ADGB: variants seen among roughly 807,000 people sequenced by gnomAD.
ADGB encodes androglobin.
A neutral mutation model predicts 210.5 loss-of-function variants in ADGB; 172 were observed. The ratio of observed to expected loss-of-function variants is 0.82; its 90% confidence interval spans 0.72 to 0.93. ADGB has a LOEUF of 0.93. ADGB is among the 40% of genes least tolerant of loss of function. ADGB has a pLI of 0.00. For missense variants in ADGB, 2,025 were observed against 1,964.8 expected (o/e 1.03, Z -0.58); for synonymous variants, 658 against 662.7 (o/e 0.99, Z 0.11).
intron 27 of ADGB, among the ~76,000 whole-genome samples, chr6:146,755,934 C>T (rs1459973043): frequency 6.6e-6 from 1 of 151,996 alleles, no homozygotes; most frequent in Non-Finnish European, 1.5e-5. Flanking sequence ...CCCTTTTCTA[C>T]CTAATATCTG....
chr6:146,740,284 C>T (rs1203443246), intron 23 of ADGB, among the ~76,000 whole-genome samples, 175 bp from the exon 24 acceptor site: 1 of 152,188 alleles, frequency 6.6e-6, no homozygotes, highest in East Asian at 1.9e-4. Flanking sequence ...AATGGGTCCC[C>T]TTCTCTTGGC....
At chr6:146,812,147 GT>G (rs1294340161) in intron 35 of ADGB, among the ~76,000 whole-genome samples, 3 of 151,918 alleles carry the variant, frequency 2.0e-5, no homozygotes, top group Non-Finnish European at 2.9e-5. Flanking sequence ...AGTATTATTT[GT>G]TTCATTTTAT....
At position 146,751,111 on chromosome 6, in the gene ADGB, A is replaced by G. The variant is rs140127553; in HGVS notation, c.3366-1419A>G. On this transcript the variant is annotated intron_variant, in intron 26 of 35. Coordinates refer to ENST00000397944, the MANE Select transcript of ADGB (RefSeq NM_024694.4). ...AAGCTCAGCATGCATTAGCTCTTTT[A>G]CCTGTTGCTCTCCCACCCCCCACCC... Among the ~76,000 whole-genome samples, 53 of 150,644 alleles carry G rather than the reference A, an allele frequency of 3.5e-4. 1 individual carries two copies. The East Asian group carries it at 0.01, about 29-fold the overall frequency.
chr6:146,781,362 A>T (rs1353894252), intron 29 of ADGB, among the ~76,000 whole-genome samples: 1 of 151,606 alleles, frequency 6.6e-6, no homozygotes, highest in Non-Finnish European at 1.5e-5. Context: ...AGAAAAAAAA[A>T]AAAGAAATTG....
intron 1 of ADGB, among the ~76,000 whole-genome samples, chr6:146,616,568 C>T (rs1780802061): frequency 6.6e-6 from 1 of 152,072 alleles, no homozygotes; most frequent in African/African-American, 2.4e-5. Context: ...TCAATTCTTA[C>T]ATTTAAATGT....
intron 12 of ADGB, among the ~76,000 whole-genome samples, chr6:146,696,471 T>C (rs912243448): frequency 2.0e-5 from 3 of 151,902 alleles, no homozygotes; most frequent in African/African-American, 4.9e-5. Context: ...ATAAATTAAA[T>C]GAGCCCCCTT....
intron 1 of ADGB, among the ~76,000 whole-genome samples, chr6:146,603,425 T>C (rs970230241): frequency 3.9e-5 from 6 of 152,212 alleles, no homozygotes; most frequent in Admixed American, 3.9e-4. Flanking sequence ...ACAGTATTAA[T>C]GCATACACTT....
At chr6:146,755,465 A>G (rs1777393827) in intron 27 of ADGB, among the ~76,000 whole-genome samples, 1 of 152,066 alleles carries the variant, frequency 6.6e-6, no homozygotes, top group South Asian at 2.1e-4. Context: ...ATGGTTTTAT[A>G]AGGGGTTTTC....
At chr6:146,675,273 G>A (rs1255847501) in intron 8 of ADGB, among the ~76,000 whole-genome samples, 5 of 151,938 alleles carry the variant, frequency 3.3e-5, no homozygotes, top group Non-Finnish European at 4.4e-5. Flanking sequence ...GGACAACCTG[G>A]TGAAATCCTG....
chr6:146,604,326 C>G (rs1354075062), intron 1 of ADGB, among the ~76,000 whole-genome samples: 1 of 152,152 alleles, frequency 6.6e-6, no homozygotes, highest in Non-Finnish European at 1.5e-5. Context: ...CCCAAGTCCA[C>G]GCAGGGGAAG....
intron 33 of ADGB, among the ~76,000 whole-genome samples, chr6:146,800,616 G>C (rs1201716186): frequency 6.6e-6 from 1 of 152,000 alleles, no homozygotes; most frequent in African/African-American, 2.4e-5. Flanking sequence ...GTTCTTGTGG[G>C]CTCGATACTG....
At chr6:146,761,597 C>A (rs2114622546) in intron 27 of ADGB, among the ~76,000 whole-genome samples, 1 of 152,174 alleles carries the variant, frequency 6.6e-6, no homozygotes, top group South Asian at 2.1e-4. Context: ...TCTTCAATTT[C>A]TGTCAGCAAC....
Position 146,666,927 on chromosome 6 carries a change from A to G in ADGB, c.839+25A>G, listed in dbSNP as rs766811710. 14 of 1,463,982 alleles carry G rather than the reference A, an allele frequency of 9.6e-6. 1 individual carries two copies. The highest frequency in any genetic ancestry group is 4.2e-5 in the African/African-American group (3 of 70,838). The allele number at this position is 1,463,982 out of a possible 1,614,324, so 90.7% of individuals were successfully genotyped here. ...AGTATGTTTGACTATTAAATTGCTC[A>G]TATCTATTTTTTTTATCTTCCCAAG... On this transcript the variant is annotated intron_variant, in intron 7 of 35. Transcript: ENST00000397944.
intron 1 of ADGB, among the ~76,000 whole-genome samples, chr6:146,619,542 A>G (rs1372087244): frequency 2.0e-5 from 3 of 152,020 alleles, no homozygotes; most frequent in Non-Finnish European, 4.4e-5. Context: ...TGTATCTATT[A>G]TAGGTTTTTG....
Position 146,788,404 on chromosome 6 carries a change from G to T in ADGB, c.4331G>T (p.Arg1444Leu). The change falls in exon 33 of 36, where the codon CGT becomes CTT. Residue 1444 changes from arginine to leucine, a missense_variant. Coordinates refer to ENST00000397944, the MANE Select transcript of ADGB (RefSeq NM_024694.4). ...KPKEEVETAA[R>L]GVKEPNSKNS... ...CATGTTGTAGTAGAAACAGCTGCAC[G>T]TGGCGTAAAAGAACCAAACTCAAAG... 1 of 1,551,540 alleles carries T rather than the reference G, an allele frequency of 6.4e-7. No homozygotes were observed. The highest frequency in any genetic ancestry group is 8.7e-7 in the Non-Finnish European group (1 of 1,146,884).
At chr6:146,666,783 G>C in intron 6 of ADGB, 33 bp from the exon 7 acceptor site, 2 of 1,427,854 alleles carry the variant, frequency 1.4e-6, no homozygotes, top group South Asian at 1.3e-5. Context: ...TTCAAATTTT[G>C]CTACCTGTAA....
intron 29 of ADGB, among the ~76,000 whole-genome samples, chr6:146,781,267 C>G (rs1293554238): frequency 2.0e-5 from 3 of 150,644 alleles, no homozygotes; most frequent in Admixed American, 1.3e-4. Context: ...GGCGTGAACC[C>G]GGGAGGTGGA....
intron 23 of ADGB, among the ~76,000 whole-genome samples, chr6:146,738,883 G>A (rs1402627596): frequency 6.6e-6 from 1 of 152,110 alleles, no homozygotes; most frequent in Non-Finnish European, 1.5e-5. Context: ...GTGAGATCTT[G>A]CACCCAATTT....
rs1294875507 is a variant in ADGB at position 146,715,409 on chromosome 6, G to T, written c.1735G>T (p.Gly579Ter). 6.7e-7 allele frequency: 1 copy of T among 1,494,530 alleles called. No homozygotes were observed. Among genetic ancestry groups the T allele is most frequent in the East Asian group, 2.6e-5 (1 of 38,592 alleles). 92.6% of individuals were successfully genotyped at this position (1,494,530 alleles called of 1,614,324 possible). ...AAATACTGCTTCACAAGTTATACTT[G>T]GAAAAGGTAAATTAATAATTTTCCT... ...QGNTASQVIL[G>*]KGTDEQTDFG... The change falls in exon 14 of 36, where the codon GGA becomes TGA. Residue 579 changes from glycine (G) to a stop codon, truncating the protein, a stop_gained. Coordinates refer to ENST00000397944, the MANE Select transcript of ADGB (RefSeq NM_024694.4). LOFTEE classifies it high-confidence loss of function.
Sources: allele counts gnomAD v4.1 joint callset (sites outside exome capture counted in the v4.1 genomes callset), GRCh38; gene constraint gnomAD v4.1.1; transcripts MANE v1.5; gene names NCBI Gene and HGNC (gene_info 2026-07-23, HGNC 2026-07-21).